The following EGFR variants were observed in gnomAD, a reference collection of about 807,000 sequenced individuals.
The protein encoded by EGFR is avian erythroblastic leukemia viral (v-erb-b) oncogene homolog.
A neutral mutation model predicts 143.0 loss-of-function variants in EGFR; 58 were observed. The observed-to-expected ratio is 0.41, with a 90% CI of 0.33 to 0.50. EGFR has a LOEUF of 0.50. Among genes scored for constraint, EGFR ranks in the 20% least tolerant of loss-of-function variants. The pLI is 0.39. For missense variants in EGFR, 1,307 were observed against 1,579.0 expected (o/e 0.83, Z 2.92); for synonymous variants, 613 against 594.4 (o/e 1.03, Z -0.45).
At position 55,171,173 on chromosome 7, in the gene EGFR, A is replaced by C. The variant is rs774963273; in HGVS notation, c.1881-2A>C. The C allele has an allele frequency of 1.2e-6, 2 of 1,614,242 alleles. No individual in the cohort carries two copies. The highest frequency in any genetic ancestry group is 2.7e-5 in the African/African-American group (2 of 75,064). On this transcript the variant is annotated splice_acceptor_variant, in intron 15 of 27. Transcript: ENST00000275493. LOFTEE classifies it high-confidence loss of function. ...TGTATATTTCTCTTTCACTTCCTAC[A>C]GATGCACTGGGCCAGGTCTTGAAGG...
intron 1 of EGFR, among the ~76,000 whole-genome samples, chr7:55,040,866 G>GA (rs1401578387): frequency 1.3e-5 from 2 of 152,172 alleles, no homozygotes; most frequent in Non-Finnish European, 2.9e-5. Context: ...ATTATCAGGT[G>GA]AAAGCTACTG....
chr7:55,205,158 C>CTCCT, intron 27 of EGFR, 98 bp from the exon 28 acceptor site: 1 of 1,546,340 alleles, frequency 6.5e-7, no homozygotes, highest in Non-Finnish European at 8.7e-7. Flanking sequence ...TGTCATAAGT[C>CTCCT]TCCTTGTTGA....
intron 27 of EGFR, 136 bp downstream of exon 27, chr7:55,202,761 A>G: frequency 2.5e-6 from 2 of 795,468 alleles, no homozygotes; most frequent in African/African-American, 1.7e-5. Flanking sequence ...TTGCAGACAC[A>G]GTGAAGGGCG....
chr7:55,199,639 G>A (rs530260858), intron 23 of EGFR, among the ~76,000 whole-genome samples: 1 of 152,330 alleles, frequency 6.6e-6, no homozygotes, highest in Admixed American at 6.5e-5. Flanking sequence ...GAAAATAAAT[G>A]TGATCCCTCA....
At chr7:55,111,120 A>C (rs941413025) in intron 1 of EGFR, among the ~76,000 whole-genome samples, 3 of 152,188 alleles carry the variant, frequency 2.0e-5, no homozygotes, top group African/African-American at 7.2e-5. Flanking sequence ...CACTCTTCCC[A>C]AGAAACCCTG....
In EGFR at chr7:55,163,626, A is replaced by C; in HGVS notation, c.1632-107A>C. 4 of 936,692 alleles carry C rather than the reference A, an allele frequency of 4.3e-6. No homozygotes were observed. In the South Asian group the frequency reaches 5.3e-5, roughly 12 times the overall value. The allele number at this position is 936,692 out of a possible 1,614,324, so 58.0% of individuals were successfully genotyped here. On this transcript the variant is annotated intron_variant, in intron 13 of 27. Coordinates refer to ENST00000275493, the MANE Select transcript of EGFR (RefSeq NM_005228.5). ...ATTACTATATAGTCCTGGAGTCCCAACTCCTTGACCATTACCTCAAGTTAT... is the reference window on the plus strand; with the variant it reads ...ATTACTATATAGTCCTGGAGTCCCACCTCCTTGACCATTACCTCAAGTTAT...
At position 55,205,568 on chromosome 7, in the gene EGFR, C is replaced by A. The variant is rs2128975622; in HGVS notation, c.3584C>A (p.Ala1195Glu). 1 of 1,614,178 alleles carries A rather than the reference C, an allele frequency of 6.2e-7. No individual in the cohort carries two copies. Among genetic ancestry groups the A allele is most frequent in the Non-Finnish European group, 8.5e-7 (1 of 1,180,024 alleles). Residue 1195 changes from alanine to glutamate, a missense_variant, in exon 28 of 28, where the codon GCA becomes GAA. Ala to Glu is a moderately radical substitution (Grantham distance 107). This residue lies in a region of EGFR where 313 missense variants were observed against 312.3 expected (regional missense o/e 1.00). Coordinates refer to ENST00000275493, the MANE Select transcript of EGFR (RefSeq NM_005228.5). The part of the protein sequence containing the change: ...GIFKGSTAEN[A>E]EYLRVAPQSS... Reference sequence around the variant, plus strand: ...TTTAAGGGCTCCACAGCTGAAAATGCAGAATACCTAAGGGTCGCGCCACAA... The same window carrying A: ...TTTAAGGGCTCCACAGCTGAAAATGAAGAATACCTAAGGGTCGCGCCACAA...
intron 1 of EGFR, among the ~76,000 whole-genome samples, chr7:55,041,029 A>G (rs1460948167): frequency 6.6e-6 from 1 of 152,256 alleles, no homozygotes; most frequent in African/African-American, 2.4e-5. Flanking sequence ...ACAGCAGTAG[A>G]GGACTCTGTA....
chr7:55,047,339 C>T (rs772747633), intron 1 of EGFR, among the ~76,000 whole-genome samples: 1 of 152,244 alleles, frequency 6.6e-6, no homozygotes, highest in African/African-American at 2.4e-5. Flanking sequence ...TATTGTTATG[C>T]AGGAAAACTT....
chr7:55,062,128 G>A (rs17335871), intron 1 of EGFR, among the ~76,000 whole-genome samples: 197 of 152,330 alleles, frequency 1.3e-3, no homozygotes, highest in Non-Finnish European at 2.4e-3. Flanking sequence ...TTAGAAACAA[G>A]AGATGTCCAA....
In EGFR at chr7:55,136,570, T is replaced by TAC. The variant is rs145853789; in HGVS notation, c.89-5700_89-5699dup. Among the ~76,000 whole-genome samples the TAC allele has an allele frequency of 1.8e-3, 269 of 151,240 alleles. 1 individual carries two copies. The highest frequency in any genetic ancestry group is 7.1e-3 in the South Asian group (34 of 4,802). ...AGCTATCTATATATACACATATGTGTACACACACACACACACATCCTTACA... is the reference window on the plus strand; with the variant it reads ...AGCTATCTATATATACACATATGTGTACACACACACACACACACATCCTTACA... On this transcript the variant is annotated intron_variant, in intron 1 of 27. Transcript: ENST00000275493.
At chr7:55,196,258 T>C (rs1271214941) in intron 22 of EGFR, among the ~76,000 whole-genome samples, 1 of 148,172 alleles carries the variant, frequency 6.7e-6, no homozygotes, top group African/African-American at 2.5e-5. Context: ...GATTTTTATT[T>C]CTTTAATGAT....
At chr7:55,087,419 T>A (rs1244592260) in intron 1 of EGFR, among the ~76,000 whole-genome samples, 1 of 152,190 alleles carries the variant, frequency 6.6e-6, no homozygotes, top group Non-Finnish European at 1.5e-5. Flanking sequence ...TAGGGCCTAC[T>A]GAGTTAGAAT....
chr7:55,153,051 T>A lies in EGFR; in HGVS notation c.747+387T>A, dbSNP rs865893963. 4.1e-4 allele frequency among the ~76,000 whole-genome samples: 63 copies of A among 152,352 alleles called. 1 individual carries two copies. Among genetic ancestry groups the A allele is most frequent in the African/African-American group, 1.5e-3 (62 of 41,596 alleles). On this transcript the variant is annotated intron_variant, in intron 6 of 27. Coordinates refer to ENST00000275493, the MANE Select transcript of EGFR (RefSeq NM_005228.5). ...GCCAGCAGCACACTCTCTTTATTGT[T>A]TGACTTCGGCTATACCTCTAGAGAC...
At chr7:55,173,262 G>A in intron 17 of EGFR, 138 bp downstream of exon 17, 1 of 1,304,872 alleles carries the variant, frequency 7.7e-7, no homozygotes, top group Non-Finnish European at 1.0e-6. Context: ...CTCTGAATGT[G>A]CAGTTATACC....
chr7:55,201,114 C>T, intron 24 of EGFR, 74 bp from the exon 25 acceptor site: 3 of 1,591,582 alleles, frequency 1.9e-6, no homozygotes, highest in Non-Finnish European at 2.6e-6. Context: ...GGCAATAGAC[C>T]CCTGCTCCTA....
chr7:55,084,331 A>G (rs1790635459), intron 1 of EGFR, among the ~76,000 whole-genome samples: 1 of 152,170 alleles, frequency 6.6e-6, no homozygotes, highest in South Asian at 2.1e-4. Flanking sequence ...CCTCTCCATA[A>G]GCAGTTCTTA....
intron 1 of EGFR, among the ~76,000 whole-genome samples, chr7:55,137,707 C>T (rs1794228004): frequency 6.6e-6 from 1 of 152,218 alleles, no homozygotes; most frequent in East Asian, 1.9e-4. Flanking sequence ...AACTACTGTG[C>T]TGTGACATAA....
chr7:55,141,532 T>G (rs17289554), intron 1 of EGFR, among the ~76,000 whole-genome samples: 1 of 152,192 alleles, frequency 6.6e-6, no homozygotes. Context: ...AGCATAGGGA[T>G]GTGTGGGTTT....
Sources: gnomAD v4.1 joint callset for allele counts (sites outside exome capture counted in the v4.1 genomes callset) on GRCh38, gnomAD v4.1.1 for gene constraint, gnomAD v4.1.1 regional missense constraint, MANE v1.5 for transcripts, NCBI Gene and HGNC (gene_info 2026-07-23, HGNC 2026-07-21) for gene names.